HIVEP3: variants seen among roughly 807,000 people sequenced by gnomAD.
HIVEP3 encodes transcription factor HIVEP3.
Under a neutral mutation model 152.8 loss-of-function variants are expected in HIVEP3, and 49 were observed. The ratio of observed to expected loss-of-function variants is 0.32; its 90% CI spans 0.26 to 0.41. HIVEP3 has a LOEUF of 0.41. Among genes scored for constraint, HIVEP3 ranks in the 10% least tolerant of loss-of-function variants. The probability of loss-of-function intolerance (pLI) is 1.00; values close to 1 mark genes in which losing one functional copy is unlikely to be tolerated. For missense variants in HIVEP3, 2,790 were observed against 3,103.3 expected, an observed-to-expected ratio of 0.90 and a Z score of 2.40; for synonymous variants, 1,269 against 1,289.0, an observed-to-expected ratio of 0.98 and a Z score of 0.33.
At chr1:41,619,726 G>T (rs10890144) in intron 3 of HIVEP3, among the ~76,000 whole-genome samples, 85,932 of 151,906 alleles carry the variant, frequency 0.57, 24,415 homozygotes, top group Non-Finnish European at 0.59. Flanking sequence ...CTCCAGGGAG[G>T]TCAGCTGGGA....
At chr1:41,786,318 G>C (rs1368801344) in intron 1 of HIVEP3, among the ~76,000 whole-genome samples, 1 of 152,224 alleles carries the variant, frequency 6.6e-6, no homozygotes, top group Non-Finnish European at 1.5e-5. Flanking sequence ...GTAGAGATGA[G>C]TTTCTTGTCT....
At chr1:41,823,348 G>C (rs1259410058) in intron 1 of HIVEP3, among the ~76,000 whole-genome samples, 1 of 152,178 alleles carries the variant, frequency 6.6e-6, no homozygotes, top group African/African-American at 2.4e-5. Context: ...CTCCTCACAA[G>C]AACACCAAGA....
At chr1:41,854,562 T>C (rs991513396) in intron 1 of HIVEP3, among the ~76,000 whole-genome samples, 2 of 130,792 alleles carry the variant, frequency 1.5e-5, no homozygotes, top group African/African-American at 3.1e-5. Flanking sequence ...TTAGGGTACA[T>C]GTGCACATTG....
chr1:41,709,488 C>G (rs1646481649), intron 1 of HIVEP3, among the ~76,000 whole-genome samples: 1 of 152,164 alleles, frequency 6.6e-6, no homozygotes, highest in African/African-American at 2.4e-5. Flanking sequence ...AGCCTCCAGG[C>G]AGTAGCAATC....
Position 41,587,087 on chromosome 1 carries a change from T to C in HIVEP3, c.-521-1769A>G, listed in dbSNP as rs538069642. Among the ~76,000 whole-genome samples the C allele has an allele frequency of 1.0e-3, 155 of 152,262 alleles. 1 individual carries two copies. The highest frequency in any genetic ancestry group is 3.7e-3 in the African/African-American group (153 of 41,540). ...AGATTTGGTCCATTATGGAGTCTTA[T>C]AGCCAGACAGGATGGAACATCTAAG... On this transcript the variant is annotated intron_variant, in intron 3 of 8. Transcript: ENST00000372583.
In HIVEP3 at chr1:41,839,398, G is replaced by A. The variant is rs373440429; in HGVS notation, c.-801+79015C>T. On this transcript the variant is annotated intron_variant, in intron 1 of 8. Transcript: ENST00000372583. The stretch of plus-strand genomic sequence containing the variant: ...TGGTTCTAAAGACCTGCAGTCCTAA[G>A]TTCTCAGCTCACTCTCACGTACTGA... Among the ~76,000 whole-genome samples the A allele has an allele frequency of 2.2e-4, 33 of 152,300 alleles. No homozygotes were observed. In the South Asian group the frequency reaches 4.1e-3, roughly 19 times the overall value.
chr1:41,740,927 C>T (rs1646988244), intron 1 of HIVEP3, among the ~76,000 whole-genome samples: 1 of 152,172 alleles, frequency 6.6e-6, no homozygotes, highest in South Asian at 2.1e-4. Context: ...GGGGTGGGGG[C>T]TCAGTTTCCT....
intron 3 of HIVEP3, among the ~76,000 whole-genome samples, chr1:41,620,634 A>G (rs1405133482): frequency 6.6e-6 from 1 of 151,964 alleles, no homozygotes; most frequent in Non-Finnish European, 1.5e-5. Flanking sequence ...GCACGCCCCA[A>G]TCCTGCATTT....
rs558048605 is a variant in HIVEP3, at chr1:41,980,986, T to A, written n.119+54821A>T. 4.6e-5 allele frequency among the ~76,000 whole-genome samples: 7 copies of A among 152,246 alleles called. No individual in the cohort carries two copies. The East Asian group carries it at 1.4e-3, about 29-fold the overall frequency. On this transcript the variant is annotated intron_variant and non_coding_transcript_variant, in intron 1 of 3. Coordinates refer to the HIVEP3 transcript ENST00000489103. ...AGGAGAGAAAGCAAGGCAAGACCAG[T>A]GCAAACCGTGCCCAGCAGGGCTAAA...
intron 1 of HIVEP3, among the ~76,000 whole-genome samples, chr1:41,755,724 G>A (rs1264532486): frequency 1.3e-5 from 2 of 151,970 alleles, no homozygotes; most frequent in African/African-American, 4.8e-5. Context: ...GTAAAAAGAT[G>A]TTCAATGTCA....
chr1:41,755,013 A>G (rs1647248690), intron 1 of HIVEP3, among the ~76,000 whole-genome samples: 1 of 152,214 alleles, frequency 6.6e-6, no homozygotes, highest in African/African-American at 2.4e-5. Flanking sequence ...ATTTTGAAAA[A>G]AGAAAAATAA....
chr1:42,020,095 T>C (rs1645545294), intron 1 of HIVEP3, among the ~76,000 whole-genome samples: 1 of 152,080 alleles, frequency 6.6e-6, no homozygotes, highest in African/African-American at 2.4e-5. Context: ...TATCACTAAA[T>C]TCATTTTGAT....
intron 5 of HIVEP3, among the ~76,000 whole-genome samples, chr1:41,526,845 ACACT>A (rs1324002806): frequency 1.0e-4 from 11 of 105,912 alleles, no homozygotes; most frequent in East Asian, 5.1e-4. Context: ...ACCCGTTCAC[ACACT>A]CACCCTAACA....
rs1249131442 is a variant in HIVEP3, at chr1:41,584,885, A to T, written c.-88T>A. The stretch of plus-strand genomic sequence containing the variant: ...ATCCCAGTGTCCCAAGGAGGTGTCC[A>T]GCTTTGGCCACATTGGTCAAGAGCT... On this transcript the variant is annotated 5_prime_UTR_variant, in exon 4 of 9. Transcript: ENST00000372583. The surrounding 1 kb of genome is among the most constrained non-coding windows in gnomAD (Gnocchi z 5.2). The T allele has an allele frequency of 7.9e-7, 1 of 1,271,554 alleles. No homozygotes were observed. Among genetic ancestry groups the T allele is most frequent in the Non-Finnish European group, 1.0e-6 (1 of 961,542 alleles). The allele number at this position is 1,271,554 out of a possible 1,614,324, so 78.8% of individuals were successfully genotyped here. A position where few individuals can be genotyped will look rare whatever the true frequency, so the allele number is the denominator to read the frequency against.
chr1:41,532,405 G>T (rs914325086), intron 5 of HIVEP3, among the ~76,000 whole-genome samples: 6 of 152,098 alleles, frequency 3.9e-5, no homozygotes, highest in African/African-American at 9.7e-5. Context: ...GTATTTGGTT[G>T]CAGAGAGGAG....
At chr1:41,629,667 A>G (rs1645165477) in intron 2 of HIVEP3, among the ~76,000 whole-genome samples, 1 of 152,166 alleles carries the variant, frequency 6.6e-6, no homozygotes, top group Non-Finnish European at 1.5e-5. Flanking sequence ...ACCAAACATG[A>G]AAAAAATGCT....
intron 1 of HIVEP3, among the ~76,000 whole-genome samples, chr1:41,855,505 G>GA (rs369132229): frequency 6.6e-6 from 1 of 151,976 alleles, no homozygotes; most frequent in Non-Finnish European, 1.5e-5. Flanking sequence ...AAATTTACAA[G>GA]AAAAAAACAA....
intron 6 of HIVEP3, among the ~76,000 whole-genome samples, chr1:41,523,763 C>T (rs1298094670): frequency 1.3e-5 from 2 of 152,138 alleles, no homozygotes; most frequent in South Asian, 4.1e-4. Context: ...CCTGAGAAAC[C>T]GTGGGGCTCC....
Position 41,581,461 on chromosome 1 carries a change from G to A in HIVEP3, c.3337C>T (p.Pro1113Ser), listed in dbSNP as rs768914081. 6 of 1,575,228 alleles carry A rather than the reference G, an allele frequency of 3.8e-6. No individual in the cohort carries two copies. The highest frequency in any genetic ancestry group is 1.2e-5 in the South Asian group (1 of 82,978). ...GPGQDRPPLG[P>S]TVPYTEALQV... ...AGTGCTTCTGTGTAGGGCACAGTGG[G>A]CCCCAATGGGGGCCTGTCCTGCCCT... The change falls in exon 4 of 9, where the codon CCC (proline) becomes TCC (serine). Residue 1113 changes from proline (P) to serine (S), a missense_variant. Pro to Ser is a moderately conservative substitution (Grantham distance 74). This residue lies in a region of HIVEP3 where 1,078 missense variants were observed against 1,165.3 expected (regional missense o/e 0.93). Transcript: ENST00000372583. The surrounding 1 kb of genome is among the most constrained non-coding windows in gnomAD (Gnocchi z 4.5).
Sources: gnomAD v4.1 joint callset for allele counts (sites outside exome capture counted in the v4.1 genomes callset) on GRCh38, gnomAD v4.1.1 for gene constraint, gnomAD v4.1.1 regional missense constraint, Gnocchi (gnomAD v3.1) non-coding constraint, MANE v1.5 for transcripts, NCBI Gene and HGNC (gene_info 2026-07-23, HGNC 2026-07-21) for gene names.